Variants in APBA2 observed in about 807,000 individuals in gnomAD.
The protein encoded by APBA2 is amyloid beta precursor protein binding family A member 2, also known as amyloid-beta A4 precursor protein-binding family A member 2.
A neutral mutation model predicts 75.0 loss-of-function variants in APBA2; 30 were observed. The observed-to-expected ratio is 0.40, with a 90% confidence interval of 0.30 to 0.54. The LOEUF is 0.54. Ranked by LOEUF, APBA2 falls within the 20% of genes least tolerant of loss-of-function variation. The pLI is 0.49. For synonymous variants in APBA2, 444 were observed against 409.6 expected, an observed-to-expected ratio of 1.08 and a Z score of -1.01; for missense variants, 801 against 1,016.1, an observed-to-expected ratio of 0.79 and a Z score of 2.88.
At chr15:29,109,895 C>T (rs1277718075) in intron 13 of APBA2, among the ~76,000 whole-genome samples, 1 of 152,242 alleles carries the variant, frequency 6.6e-6, no homozygotes, top group East Asian at 1.9e-4. Context: ...CCCGTGGCCC[C>T]TGGACCTGGC....
intron 2 of APBA2, among the ~76,000 whole-genome samples, chr15:28,960,802 C>G (rs937151303): frequency 1.3e-5 from 2 of 151,162 alleles, no homozygotes; most frequent in African/African-American, 2.4e-5. Context: ...CACTGTCACC[C>G]AGGCTGGAGT....
chr15:29,024,135 C>G (rs1265805632), intron 3 of APBA2, among the ~76,000 whole-genome samples: 1 of 152,066 alleles, frequency 6.6e-6, no homozygotes, highest in East Asian at 1.9e-4. Flanking sequence ...AACTGCTGAC[C>G]TCAAGTGACC....
chr15:29,095,135 G>A (rs552028009), intron 8 of APBA2, among the ~76,000 whole-genome samples: 2 of 151,792 alleles, frequency 1.3e-5, no homozygotes, highest in Admixed American at 1.3e-4. Context: ...TTAAAAATGG[G>A]TTGACACTGA....
intron 4 of APBA2, chr15:29,071,058 G>C (rs1372152350): frequency 2.6e-5 from 12 of 456,714 alleles, no homozygotes; most frequent in South Asian, 1.7e-4. Flanking sequence ...TCCAGAGAGT[G>C]CTTGGAAGCA....
chr15:29,024,458 G>A (rs2040116208), intron 3 of APBA2, among the ~76,000 whole-genome samples: 1 of 152,162 alleles, frequency 6.6e-6, no homozygotes, highest in Non-Finnish European at 1.5e-5. Flanking sequence ...GGGCCCTGAT[G>A]TCTCCACTCC....
In APBA2 at chr15:28,957,772, G is replaced by A. The variant is rs72714190; in HGVS notation, c.-95+36023G>A. On this transcript the variant is annotated intron_variant, in intron 2 of 14. Coordinates refer to ENST00000683413, the MANE Select transcript of APBA2 (RefSeq NM_001353788.2). Reference sequence around the variant, plus strand: ...GGGTGGTGCTGTGCATCAGGTTCGGGGTGATGGGAACGCTGTCTCTTGCAC... The same window carrying A: ...GGGTGGTGCTGTGCATCAGGTTCGGAGTGATGGGAACGCTGTCTCTTGCAC... Among the ~76,000 whole-genome samples, 849 of 152,286 alleles carry A rather than the reference G, an allele frequency of 5.6e-3. 6 individuals are homozygous for A. The highest frequency in any genetic ancestry group is 0.031 in the Middle Eastern group (9 of 294).
At chr15:28,945,863 G>A (rs1438664152) in intron 2 of APBA2, among the ~76,000 whole-genome samples, 1 of 152,190 alleles carries the variant, frequency 6.6e-6, no homozygotes, top group African/African-American at 2.4e-5. Flanking sequence ...TCTCCACAGA[G>A]GAGATCCTGT....
intron 4 of APBA2, chr15:29,070,654 G>A (rs74972285): frequency 1.7e-4 from 30 of 175,506 alleles, no homozygotes; most frequent in African/African-American, 6.4e-4. Context: ...ATCCAAGGGC[G>A]TCTGAAAGAA....
intron 3 of APBA2, among the ~76,000 whole-genome samples, chr15:29,035,299 A>C (rs2040688884): frequency 6.6e-6 from 1 of 152,200 alleles, no homozygotes. Context: ...ATTAGGATTA[A>C]TTAGTAAATA....
chr15:28,940,960 G>A lies in APBA2; in HGVS notation c.-95+19211G>A, dbSNP rs150322800. 4.5e-4 allele frequency among the ~76,000 whole-genome samples: 69 copies of A among 152,262 alleles called. No homozygotes were observed. The East Asian group carries it at 0.013, about 29-fold the overall frequency. On this transcript the variant is annotated intron_variant, in intron 2 of 14. Coordinates refer to ENST00000683413, the MANE Select transcript of APBA2 (RefSeq NM_001353788.2). The stretch of plus-strand genomic sequence containing the variant: ...GAGCTCACCTGATGAGGCCAGAGAT[G>A]GACAATTTGAACATCAGTAAGAGTA...
At chr15:28,925,429 G>C (rs9788690) in intron 2 of APBA2, among the ~76,000 whole-genome samples, 5,632 of 152,246 alleles carry the variant, frequency 0.037, 260 homozygotes, top group East Asian at 0.21. Flanking sequence ...GGAATAGGTT[G>C]TAAAGAATTG....
intron 6 of APBA2, among the ~76,000 whole-genome samples, chr15:29,090,095 G>A (rs555183401): frequency 2.6e-5 from 4 of 152,290 alleles, no homozygotes; most frequent in African/African-American, 9.6e-5. Context: ...CTCCTCCCGT[G>A]GTGCGTGTGA....
chr15:28,977,757 C>T (rs2037415460), intron 2 of APBA2, among the ~76,000 whole-genome samples: 1 of 152,168 alleles, frequency 6.6e-6, no homozygotes, highest in African/African-American at 2.4e-5. Context: ...GTGACAGGCA[C>T]ACAGCCTTTC....
At chr15:29,048,536 T>C (rs1335184823) in intron 3 of APBA2, among the ~76,000 whole-genome samples, 1 of 152,174 alleles carries the variant, frequency 6.6e-6, no homozygotes, top group Admixed American at 6.5e-5. Flanking sequence ...CGTATTAAAA[T>C]ATGCTCTAAA....
intron 1 of APBA2, among the ~76,000 whole-genome samples, chr15:28,921,078 G>T (rs2033948054): frequency 1.3e-5 from 2 of 152,108 alleles, no homozygotes; most frequent in Admixed American, 1.3e-4. Context: ...TCTGCAGGGG[G>T]TTTGTTTAGT....
In APBA2 at chr15:29,117,136, C is replaced by G. The variant is rs149410965; in HGVS notation, c.*3C>G. ...AGGAGACCCCGCTGTACATCTAGGC[C>G]ACCCCAGCCTGGCCACGCAGCCAGG... On this transcript the variant is annotated 3_prime_UTR_variant, in exon 15 of 15. Transcript: ENST00000683413. 2 of 1,612,830 alleles carry G rather than the reference C, an allele frequency of 1.2e-6. No homozygotes were observed. Among genetic ancestry groups the G allele is most frequent in the Non-Finnish European group, 1.7e-6 (2 of 1,179,720 alleles).
intron 2 of APBA2, among the ~76,000 whole-genome samples, chr15:28,946,647 C>T (rs1412606419): frequency 6.6e-6 from 1 of 152,202 alleles, no homozygotes; most frequent in East Asian, 1.9e-4. Flanking sequence ...GGCGCCATCT[C>T]AGCTCACTGC....
chr15:29,010,249 C>T (rs2039332463), intron 3 of APBA2, among the ~76,000 whole-genome samples: 1 of 151,998 alleles, frequency 6.6e-6, no homozygotes, highest in Non-Finnish European at 1.5e-5. Flanking sequence ...TTTCTTAGTG[C>T]TTTGTAGGAG....
intron 2 of APBA2, among the ~76,000 whole-genome samples, chr15:28,955,518 C>T (rs28621860): frequency 6.6e-6 from 1 of 152,172 alleles, no homozygotes; most frequent in Non-Finnish European, 1.5e-5. Context: ...TAAATTACCC[C>T]AGGAGGAACA....
Sources: gnomAD v4.1 joint callset for allele counts (sites outside exome capture counted in the v4.1 genomes callset) on GRCh38, gnomAD v4.1.1 for gene constraint, MANE v1.5 for transcripts, NCBI Gene and HGNC (gene_info 2026-07-23, HGNC 2026-07-21) for gene names.